DLGAP2: variants seen among roughly 807,000 people sequenced by gnomAD.
DLGAP2 encodes the protein DLG associated protein 2, also known as disks large-associated protein 2.
A neutral mutation model predicts 100.3 loss-of-function variants in DLGAP2; 26 were observed. The observed-to-expected ratio is 0.26, with a 90% CI of 0.19 to 0.36. DLGAP2 has a LOEUF of 0.36. Ranked by LOEUF, DLGAP2 falls within the 10% of genes least tolerant of loss-of-function variation. The pLI, the probability that DLGAP2 is intolerant of heterozygous loss-of-function variation, is 1.00. For synonymous variants in DLGAP2, 886 were observed against 630.1 expected (o/e 1.41, Z -6.08); for missense variants, 1,858 against 1,453.2 (o/e 1.28, Z -4.53).
At chr8:1,430,594 G>T (rs1436148938) in intron 3 of DLGAP2, among the ~76,000 whole-genome samples, 3 of 152,188 alleles carry the variant, frequency 2.0e-5, no homozygotes, top group East Asian at 3.8e-4. Context: ...TTAAAATGAA[G>T]ATCAGACCAT....
rs551224087 is a variant in DLGAP2 at position 837,730 on chromosome 8, T to G, written c.19-70182T>G. Among the ~76,000 whole-genome samples the G allele has an allele frequency of 9.4e-5, 14 of 149,318 alleles. No homozygotes were observed. In the South Asian group the frequency reaches 2.3e-3, roughly 25 times the overall value. Reference sequence around the variant, plus strand: ...AAATATATATAAAATATATAATTTTTTTTTTAGACGGAGTCTCACTCTGTT... The same window carrying G: ...AAATATATATAAAATATATAATTTTGTTTTTAGACGGAGTCTCACTCTGTT... On this transcript the variant is annotated intron_variant, in intron 1 of 14. Transcript: ENST00000637795.
chr8:770,967 G>A (rs907145109), intron 1 of DLGAP2, among the ~76,000 whole-genome samples: 1 of 151,908 alleles, frequency 6.6e-6, no homozygotes, highest in African/African-American at 2.4e-5. Context: ...AGTGTAAACA[G>A]GGGTCTTTAA....
chr8:831,876 G>A lies in DLGAP2; in HGVS notation c.19-76036G>A, dbSNP rs116017080. On this transcript the variant is annotated intron_variant, in intron 1 of 14. Coordinates refer to ENST00000637795, the MANE Select transcript of DLGAP2 (RefSeq NM_001346810.2). ...TTTCTCCACAGCCTCGCCCACATCT[G>A]TTGTTTCCAGACTTTTTAATAATCA... is the stretch of plus-strand genomic sequence containing the variant. 0.035 allele frequency among the ~76,000 whole-genome samples: 5,340 copies of A among 152,068 alleles called. 703 individuals carry two copies. The East Asian group carries it at 0.5, about 14-fold the overall frequency.
At chr8:748,723 G>C (rs547538165) in intron 1 of DLGAP2, among the ~76,000 whole-genome samples, 173 of 152,344 alleles carry the variant, frequency 1.1e-3, no homozygotes, top group Non-Finnish European at 2.2e-3. Flanking sequence ...CTGCCCATCA[G>C]CACCTGCCCG....
intron 1 of DLGAP2, among the ~76,000 whole-genome samples, chr8:752,155 C>T (rs1820807937): frequency 6.6e-6 from 1 of 152,210 alleles, no homozygotes; most frequent in African/African-American, 2.4e-5. Flanking sequence ...TTCTCCCTTC[C>T]CTGTGCTGAA....
intron 5 of DLGAP2, among the ~76,000 whole-genome samples, chr8:1,555,629 C>T (rs988206919): frequency 1.3e-5 from 2 of 152,198 alleles, no homozygotes; most frequent in Admixed American, 6.5e-5. Flanking sequence ...GAGCCTCTCA[C>T]TGTCTCCCCG....
intron 3 of DLGAP2, among the ~76,000 whole-genome samples, chr8:1,418,097 G>A (rs1563134626): frequency 1.3e-5 from 2 of 152,170 alleles, no homozygotes; most frequent in Non-Finnish European, 2.9e-5. Flanking sequence ...TGTAACTCCT[G>A]TCCCTCCACC....
intron 5 of DLGAP2, among the ~76,000 whole-genome samples, chr8:1,549,899 A>C (rs1489918642): frequency 6.6e-6 from 1 of 151,998 alleles, no homozygotes; most frequent in Non-Finnish European, 1.5e-5. Context: ...CTTAAAATCC[A>C]CTCTGGATGA....
chr8:1,701,436 C>A lies in DLGAP2; in HGVS notation c.*30C>A, dbSNP rs1398033904. ...GGAGGCCGGCGCCTTCCCCTCGTCG[C>A]TTCCGCTTTCCCGGACGCTTGTGCA... On this transcript the variant is annotated 3_prime_UTR_variant, in exon 15 of 15. Coordinates refer to ENST00000637795, the MANE Select transcript of DLGAP2 (RefSeq NM_001346810.2). 17 of 1,549,534 alleles carry A rather than the reference C, an allele frequency of 1.1e-5. 1 individual carries two copies. Among genetic ancestry groups the A allele is most frequent in the Admixed American group, 7.7e-5 (4 of 51,618 alleles).
chr8:1,006,001 C>A (rs535384345), intron 2 of DLGAP2, among the ~76,000 whole-genome samples: 3 of 152,038 alleles, frequency 2.0e-5, no homozygotes, highest in African/African-American at 7.2e-5. Flanking sequence ...CCATCCTGGC[C>A]AACATGGTGA....
chr8:1,511,044 G>T (rs976386796), intron 4 of DLGAP2, among the ~76,000 whole-genome samples: 1 of 152,254 alleles, frequency 6.6e-6, no homozygotes, highest in African/African-American at 2.4e-5. Context: ...CAGGGCATCA[G>T]TTAGTTCAGC....
chr8:989,745 A>C (rs1175596439), intron 2 of DLGAP2, among the ~76,000 whole-genome samples: 1 of 152,210 alleles, frequency 6.6e-6, no homozygotes, highest in Non-Finnish European at 1.5e-5. Context: ...GCTTAATCTT[A>C]TGAAATACAT....
At chr8:1,330,773 G>A (rs1184428858) in intron 3 of DLGAP2, among the ~76,000 whole-genome samples, 4 of 137,252 alleles carry the variant, frequency 2.9e-5, no homozygotes, top group East Asian at 2.3e-4. Flanking sequence ...CATCGGGACC[G>A]AGTTCTGGGT....
intron 6 of DLGAP2, among the ~76,000 whole-genome samples, chr8:1,586,445 C>G (rs547438275): frequency 1.3e-5 from 2 of 152,144 alleles, no homozygotes; most frequent in Admixed American, 1.3e-4. Flanking sequence ...ACGTCCACAT[C>G]GATCTCCGAC....
intron 3 of DLGAP2, among the ~76,000 whole-genome samples, chr8:1,456,433 A>C (rs1301601915): frequency 6.6e-6 from 1 of 152,196 alleles, no homozygotes; most frequent in East Asian, 1.9e-4. Flanking sequence ...TAATGATTCA[A>C]AATTGACTTT....
At chr8:861,903 G>T (rs368432155) in intron 1 of DLGAP2, among the ~76,000 whole-genome samples, 1 of 152,156 alleles carries the variant, frequency 6.6e-6, no homozygotes, top group African/African-American at 2.4e-5. Context: ...ATATTGTAGG[G>T]CTCAGTATAA....
intron 2 of DLGAP2, among the ~76,000 whole-genome samples, chr8:1,055,052 C>T (rs982189338): frequency 3.3e-5 from 5 of 152,234 alleles, no homozygotes; most frequent in South Asian, 4.1e-4. Flanking sequence ...TTCCATGTTA[C>T]GACGCACATT....
At chr8:1,601,332 C>A (rs1796616485) in intron 6 of DLGAP2, among the ~76,000 whole-genome samples, 1 of 152,214 alleles carries the variant, frequency 6.6e-6, no homozygotes, top group East Asian at 1.9e-4. Context: ...GATGTCTCCC[C>A]ATCAGGAGAC....
chr8:813,396 A>G (rs1796407125), intron 1 of DLGAP2, among the ~76,000 whole-genome samples: 1 of 152,134 alleles, frequency 6.6e-6, no homozygotes, highest in Non-Finnish European at 1.5e-5. Flanking sequence ...TACAGAAAAT[A>G]TTATGTTGTG....
Sources: gnomAD v4.1 joint callset for allele counts (sites outside exome capture counted in the v4.1 genomes callset) on GRCh38, gnomAD v4.1.1 for gene constraint, MANE v1.5 for transcripts, NCBI Gene and HGNC (gene_info 2026-07-23, HGNC 2026-07-21) for gene names.